The following CNTNAP2 variants were observed in gnomAD, a reference collection of about 807,000 sequenced individuals.
CNTNAP2 encodes contactin-associated protein-like 2.
A neutral mutation model predicts 155.2 loss-of-function variants in CNTNAP2; 98 were observed. That is an observed-to-expected ratio of 0.63 (90% CI 0.54 to 0.75). CNTNAP2 has a LOEUF of 0.75. Among genes scored for constraint, CNTNAP2 ranks in the 30% least tolerant of loss-of-function variants. The pLI is 0.00. For synonymous variants in CNTNAP2, 651 were observed against 631.2 expected (o/e 1.03, Z -0.47); for missense variants, 1,727 against 1,688.1 (o/e 1.02, Z -0.40).
chr7:147,942,625 T>C (rs980599025), intron 14 of CNTNAP2, among the ~76,000 whole-genome samples: 2 of 152,144 alleles, frequency 1.3e-5, no homozygotes, highest in East Asian at 1.9e-4. Context: ...AGAGTCACAA[T>C]TGTCACCCTA....
intron 20 of CNTNAP2, among the ~76,000 whole-genome samples, chr7:148,265,486 G>A (rs1796650990): frequency 6.6e-6 from 1 of 151,974 alleles, no homozygotes. Flanking sequence ...TATTGCCCAG[G>A]CTGGTCTTGT....
intron 3 of CNTNAP2, among the ~76,000 whole-genome samples, chr7:146,922,719 T>C (rs527952727): frequency 6.6e-6 from 1 of 152,166 alleles, no homozygotes; most frequent in African/African-American, 2.4e-5. Flanking sequence ...ATTTCTCATT[T>C]GTAAATTGGA....
At chr7:146,423,687 C>G (rs554140633) in intron 1 of CNTNAP2, among the ~76,000 whole-genome samples, 1 of 152,322 alleles carries the variant, frequency 6.6e-6, no homozygotes, top group Non-Finnish European at 1.5e-5. Flanking sequence ...TTTGTGTCTC[C>G]AAGTGAGTCT....
chr7:147,387,894 G>A (rs368982239), intron 9 of CNTNAP2, among the ~76,000 whole-genome samples: 20 of 152,258 alleles, frequency 1.3e-4, no homozygotes, highest in East Asian at 3.9e-4. Context: ...ACTTATTTGA[G>A]CACCTATTGA....
intron 1 of CNTNAP2, among the ~76,000 whole-genome samples, chr7:146,483,961 C>T (rs1310569409): frequency 6.6e-6 from 1 of 152,288 alleles, no homozygotes; most frequent in Non-Finnish European, 1.5e-5. Context: ...CATTCACCCA[C>T]CACCCACTCA....
At chr7:146,513,526 T>C (rs1362834654) in intron 1 of CNTNAP2, among the ~76,000 whole-genome samples, 1 of 150,560 alleles carries the variant, frequency 6.6e-6, no homozygotes, top group Non-Finnish European at 1.5e-5. Context: ...CAAACAACAA[T>C]TAACTTTGAT....
At chr7:147,856,416 A>C (rs1799040681) in intron 13 of CNTNAP2, among the ~76,000 whole-genome samples, 1 of 152,176 alleles carries the variant, frequency 6.6e-6, no homozygotes, top group Non-Finnish European at 1.5e-5. Context: ...TCATGAAAAA[A>C]TAGAATGAAT....
chr7:148,360,439 G>A (rs1354822113), intron 21 of CNTNAP2, among the ~76,000 whole-genome samples: 1 of 152,194 alleles, frequency 6.6e-6, no homozygotes, highest in Non-Finnish European at 1.5e-5. Flanking sequence ...TCAGAAAAAT[G>A]CTAACTCTGA....
At chr7:147,743,065 T>G (rs1264263125) in intron 13 of CNTNAP2, among the ~76,000 whole-genome samples, 1 of 152,160 alleles carries the variant, frequency 6.6e-6, no homozygotes, top group Non-Finnish European at 1.5e-5. Flanking sequence ...ACTAACAAAA[T>G]GTTGCAAACC....
At chr7:148,024,629 T>C (rs59099493) in intron 15 of CNTNAP2, among the ~76,000 whole-genome samples, 39,142 of 152,120 alleles carry the variant, frequency 0.26, 5,329 homozygotes, top group Middle Eastern at 0.34. Flanking sequence ...TGCTAATGTT[T>C]AGCTTTCTTC....
intron 14 of CNTNAP2, among the ~76,000 whole-genome samples, chr7:147,969,588 G>T (rs755241293): frequency 6.6e-6 from 1 of 152,114 alleles, no homozygotes; most frequent in Admixed American, 6.6e-5. Flanking sequence ...GGAGGTTTAA[G>T]GTTTGTCACC....
chr7:147,380,238 T>C (rs565955591), intron 9 of CNTNAP2, among the ~76,000 whole-genome samples: 2 of 152,134 alleles, frequency 1.3e-5, no homozygotes, highest in East Asian at 3.9e-4. Flanking sequence ...TTAAAATATC[T>C]CAGAATAGAC....
intron 8 of CNTNAP2, among the ~76,000 whole-genome samples, chr7:147,213,207 C>T (rs1188180301): frequency 6.6e-6 from 1 of 152,052 alleles, no homozygotes; most frequent in Non-Finnish European, 1.5e-5. Flanking sequence ...TTTCTGAGGG[C>T]GGAAGAGGAG....
intron 3 of CNTNAP2, among the ~76,000 whole-genome samples, chr7:146,911,036 C>T (rs1490330749): frequency 2.0e-5 from 3 of 151,776 alleles, no homozygotes; most frequent in Non-Finnish European, 2.9e-5. Flanking sequence ...ATTTATGCAG[C>T]CAAAAAACAC....
chr7:147,553,935 C>G (rs1384511551), intron 11 of CNTNAP2, among the ~76,000 whole-genome samples: 1 of 152,000 alleles, frequency 6.6e-6, no homozygotes, highest in African/African-American at 2.4e-5. Flanking sequence ...GCACTCCAGC[C>G]TAGGCGACGA....
At chr7:147,323,495 A>T (rs999134659) in intron 9 of CNTNAP2, among the ~76,000 whole-genome samples, 7 of 146,044 alleles carry the variant, frequency 4.8e-5, no homozygotes, top group African/African-American at 7.8e-5. Context: ...TTTACTTCCG[A>T]CTATGTGGTC....
At chr7:148,010,249 A>G (rs1379598229) in intron 15 of CNTNAP2, among the ~76,000 whole-genome samples, 1 of 151,554 alleles carries the variant, frequency 6.6e-6, no homozygotes, top group African/African-American at 2.4e-5. Flanking sequence ...TTATTTACAT[A>G]AACCAAATAT....
chr7:147,216,627 T>C (rs1803276255), intron 8 of CNTNAP2, among the ~76,000 whole-genome samples: 3 of 151,904 alleles, frequency 2.0e-5, no homozygotes, highest in African/African-American at 4.8e-5. Context: ...AGCTTCAACT[T>C]TGTTCTTCTC....
At chr7:146,282,337 C>T (rs898285913) in intron 1 of CNTNAP2, among the ~76,000 whole-genome samples, 3 of 152,214 alleles carry the variant, frequency 2.0e-5, no homozygotes, top group Non-Finnish European at 4.4e-5. Flanking sequence ...TGCTTGCAGA[C>T]ACTGTCTACA....
Sources: gnomAD v4.1 joint callset for allele counts (sites outside exome capture counted in the v4.1 genomes callset) on GRCh38, gnomAD v4.1.1 for gene constraint, MANE v1.5 for transcripts, NCBI Gene and HGNC (gene_info 2026-07-23, HGNC 2026-07-21) for gene names.